The following NAV2 variants were observed in gnomAD, a reference collection of about 807,000 sequenced individuals.
NAV2 encodes the protein neuron navigator 2.
In NAV2, 54 loss-of-function variants were observed where a neutral mutation model predicts 223.2. The ratio of observed to expected loss-of-function variants is 0.24; its 90% CI spans 0.19 to 0.30. The LOEUF is 0.30. NAV2 is among the 10% of genes least tolerant of loss of function. NAV2 has a pLI of 1.00. For synonymous variants in NAV2, 1,279 were observed against 1,239.3 expected, an observed-to-expected ratio of 1.03 and a Z score of -0.67; for missense variants, 2,806 against 3,147.5, an observed-to-expected ratio of 0.89 and a Z score of 2.60.
At chr11:19,908,159 C>A (rs1337765613) in intron 6 of NAV2, among the ~76,000 whole-genome samples, 1 of 152,226 alleles carries the variant, frequency 6.6e-6, no homozygotes, top group East Asian at 1.9e-4. Context: ...TCAGATGTAA[C>A]GCTTCAGAAA....
rs78776920 is a variant in NAV2 at position 20,087,117 on chromosome 11, G to T, written c.5499-3748G>T. 3.0e-3 allele frequency among the ~76,000 whole-genome samples: 461 copies of T among 152,302 alleles called. 20 individuals carry two copies. In the East Asian group the frequency reaches 0.071, roughly 23 times the overall value. ...GGAGTTACAGCTGCCGGCCAGCAAG[G>T]TGGGAGGAAACCTGGGAGCAGAGAG... is the stretch of plus-strand genomic sequence containing the variant. On this transcript the variant is annotated intron_variant, in intron 26 of 37. Transcript: ENST00000349880.
At chr11:19,999,624 G>A (rs2153481528) in intron 11 of NAV2, among the ~76,000 whole-genome samples, 1 of 152,318 alleles carries the variant, frequency 6.6e-6, no homozygotes, top group Admixed American at 6.5e-5. Flanking sequence ...GCCCATCTCG[G>A]CCTCCCAAAG....
chr11:19,714,408 T>G, intron 1 of NAV2: 2 of 460,486 alleles, frequency 4.3e-6, no homozygotes, highest in Non-Finnish European at 8.7e-6. Context: ...CGACGCCCCC[T>G]AGCCTGGCTG....
intron 4 of NAV2, among the ~76,000 whole-genome samples, chr11:19,876,477 T>C (rs921933976): frequency 4.6e-5 from 7 of 152,202 alleles, no homozygotes; most frequent in African/African-American, 1.7e-4. Flanking sequence ...ACTGTAGAGA[T>C]TTAACCACAA....
chr11:20,086,332 A>G (rs1272522168), intron 26 of NAV2, among the ~76,000 whole-genome samples: 2 of 152,136 alleles, frequency 1.3e-5, no homozygotes, highest in African/African-American at 4.8e-5. Flanking sequence ...TCTCCACCTC[A>G]AGGCCTGTGT....
chr11:19,923,005 G>C (rs1447103062), intron 6 of NAV2, among the ~76,000 whole-genome samples: 1 of 152,088 alleles, frequency 6.6e-6, no homozygotes, highest in Non-Finnish European at 1.5e-5. Context: ...TGTAGCTTTT[G>C]ACCTCCATGC....
intron 1 of NAV2, among the ~76,000 whole-genome samples, chr11:19,498,355 C>T (rs1428331072): frequency 6.6e-6 from 1 of 152,224 alleles, no homozygotes; most frequent in Admixed American, 6.5e-5. Context: ...AATTGGCAGA[C>T]TTAGGTTTGA....
chr11:20,004,639 C>T (rs938243582), intron 11 of NAV2, among the ~76,000 whole-genome samples: 4 of 152,178 alleles, frequency 2.6e-5, no homozygotes, highest in African/African-American at 7.2e-5. Context: ...CCTCCCAGTG[C>T]CTTAGTGTAA....
chr11:19,372,935 AC>A (rs1311261766), intron 1 of NAV2, among the ~76,000 whole-genome samples: 3 of 152,200 alleles, frequency 2.0e-5, no homozygotes, highest in African/African-American at 7.2e-5. Flanking sequence ...TCCAGTCTTC[AC>A]TGATTTCTCG....
chr11:19,548,794 C>T (rs537361255), intron 1 of NAV2, among the ~76,000 whole-genome samples: 77 of 146,666 alleles, frequency 5.3e-4, no homozygotes, highest in Non-Finnish European at 9.2e-4. Context: ...AGGAGAATGG[C>T]GTGAACCCGG....
intron 1 of NAV2, among the ~76,000 whole-genome samples, chr11:19,698,523 G>A (rs750710790): frequency 5.7e-4 from 87 of 152,336 alleles, no homozygotes; most frequent in Non-Finnish European, 7.6e-4. Flanking sequence ...CCAGGAGCAG[G>A]AGCTACCTGT....
At chr11:19,921,930 A>G (rs1418718637) in intron 6 of NAV2, among the ~76,000 whole-genome samples, 4 of 151,136 alleles carry the variant, frequency 2.6e-5, no homozygotes, top group East Asian at 4.0e-4. Context: ...ATTGCTATAT[A>G]TGTGTGTGTG....
At chr11:19,459,638 G>T (rs1852084171) in intron 1 of NAV2, among the ~76,000 whole-genome samples, 1 of 152,180 alleles carries the variant, frequency 6.6e-6, no homozygotes, top group Non-Finnish European at 1.5e-5. Flanking sequence ...GAATGGAGTG[G>T]GATAATCAAC....
Position 19,959,292 on chromosome 11 carries a change from G to A in NAV2, c.2645+10212G>A, listed in dbSNP as rs571283259. ...CCACAGCCTGCCAACTCTTGTCCCC[G>A]GAGGAACTCAGGGCGCAGAGGGGAA... On this transcript the variant is annotated intron_variant, in intron 10 of 37. Coordinates refer to ENST00000349880, the MANE Select transcript of NAV2 (RefSeq NM_145117.5). 1.1e-4 allele frequency among the ~76,000 whole-genome samples: 16 copies of A among 152,252 alleles called. No homozygotes were observed. In the Middle Eastern group the frequency reaches 0.01, roughly 97 times the overall value.
intron 1 of NAV2, among the ~76,000 whole-genome samples, chr11:19,490,831 C>G (rs985897570): frequency 7.9e-5 from 12 of 152,166 alleles, no homozygotes. Context: ...AAATCATAAT[C>G]CATGGCAGTT....
intron 10 of NAV2, among the ~76,000 whole-genome samples, chr11:19,968,469 C>T (rs2048958052): frequency 6.6e-6 from 1 of 152,154 alleles, no homozygotes; most frequent in Non-Finnish European, 1.5e-5. Context: ...ATCCACCCAC[C>T]TCGGCCTCCC....
At chr11:19,397,396 AGT>A (rs1554919830) in intron 1 of NAV2, among the ~76,000 whole-genome samples, 2,352 of 143,708 alleles carry the variant, frequency 0.016, 57 homozygotes, top group African/African-American at 0.057. Flanking sequence ...TTCTCTGGGG[AGT>A]GTGTGTGTGT....
At chr11:19,430,477 C>T (rs572338560) in intron 1 of NAV2, among the ~76,000 whole-genome samples, 18 of 152,356 alleles carry the variant, frequency 1.2e-4, no homozygotes, top group Middle Eastern at 3.4e-3. Flanking sequence ...GTACAGTGCA[C>T]CCTTGCCCTG....
At chr11:20,056,423 G>A in intron 19 of NAV2, 1 of 791,956 alleles carries the variant, frequency 1.3e-6, no homozygotes, top group Non-Finnish European at 2.1e-6. Flanking sequence ...CCTTTCTCAA[G>A]CACTGGGTTT....
Sources: gnomAD v4.1 joint callset for allele counts (sites outside exome capture counted in the v4.1 genomes callset) on GRCh38, gnomAD v4.1.1 for gene constraint, MANE v1.5 for transcripts, NCBI Gene and HGNC (gene_info 2026-07-23, HGNC 2026-07-21) for gene names.